Variants in PRKD1 observed in about 807,000 individuals in gnomAD.
The protein encoded by PRKD1 is protein kinase D1.
Under a neutral mutation model 95.9 loss-of-function variants are expected in PRKD1, and 63 were observed. That is an observed-to-expected ratio of 0.66 (90% CI 0.54 to 0.81). The LOEUF (loss-of-function observed/expected upper bound fraction) is 0.81, where lower values mean the gene tolerates loss of function less well. Ranked by LOEUF, PRKD1 falls within the 30% of genes least tolerant of loss-of-function variation. The pLI is 0.00. For missense variants in PRKD1, 1,048 were observed against 1,165.3 expected, an observed-to-expected ratio of 0.90 and a Z score of 1.47; for synonymous variants, 425 against 423.1, an observed-to-expected ratio of 1.00 and a Z score of -0.05.
At chr14:29,841,564 C>T (rs926217945) in intron 1 of PRKD1, among the ~76,000 whole-genome samples, 11 of 152,052 alleles carry the variant, frequency 7.2e-5, no homozygotes, top group African/African-American at 2.2e-4. Context: ...TCTCTTTGCC[C>T]GCTGCCATCC....
chr14:29,883,951 A>G (rs1461632394), intron 1 of PRKD1, among the ~76,000 whole-genome samples: 1 of 152,160 alleles, frequency 6.6e-6, no homozygotes, highest in East Asian at 1.9e-4. Flanking sequence ...ACCTCCCCAT[A>G]TGGTTGACCT....
rs45477997 is a variant in PRKD1 at position 29,908,058 on chromosome 14, T to C, written c.264+19191A>G. ...CATATGTAGTCTACTCAGTAATCCA[T>C]TTAAGTGTTGGTTATTGAATCTAAC... On this transcript the variant is annotated intron_variant, in intron 1 of 17. Transcript: ENST00000331968. Among the ~76,000 whole-genome samples the C allele has an allele frequency of 1.4e-3, 213 of 152,156 alleles. 2 individuals are homozygous for C. The highest frequency in any genetic ancestry group is 4.3e-3 in the East Asian group (22 of 5,170).
At chr14:29,639,351 G>A (rs192955116) in intron 4 of PRKD1, among the ~76,000 whole-genome samples, 2 of 152,106 alleles carry the variant, frequency 1.3e-5, no homozygotes, top group African/African-American at 4.8e-5. Context: ...GTACTTCATC[G>A]AAAAAATGCT....
intron 1 of PRKD1, among the ~76,000 whole-genome samples, chr14:29,905,643 G>C (rs189116788): frequency 3.3e-5 from 5 of 152,260 alleles, no homozygotes; most frequent in Admixed American, 3.3e-4. Flanking sequence ...TAGAAACATG[G>C]CTGAAAATCA....
intron 3 of PRKD1, 110 bp from the exon 4 acceptor site, chr14:29,663,969 A>C (rs1005026769): frequency 8.9e-7 from 1 of 1,126,872 alleles, no homozygotes; most frequent in East Asian, 2.6e-5. Context: ...ATTTTCCTTG[A>C]GAGTATTTGG....
intron 2 of PRKD1, among the ~76,000 whole-genome samples, chr14:29,685,183 G>C (rs1883786016): frequency 6.6e-6 from 1 of 152,166 alleles, no homozygotes; most frequent in South Asian, 2.1e-4. Flanking sequence ...AAGCTTGACT[G>C]CCCTTGGGGA....
rs186649738 is a variant in PRKD1, at chr14:29,855,165, C to T, written c.264+72084G>A. Among the ~76,000 whole-genome samples the T allele has an allele frequency of 1.5e-4, 23 of 152,242 alleles. 1 individual carries two copies. Among genetic ancestry groups the T allele is most frequent in the Middle Eastern group, 3.4e-3 (1 of 294 alleles). On this transcript the variant is annotated intron_variant, in intron 1 of 17. Coordinates refer to ENST00000331968, the MANE Select transcript of PRKD1 (RefSeq NM_002742.3). ...AGAAGAAGGCCACCATCCTCCAGAC[C>T]CCAGAATGGTAAATCCATTGACAGC...
intron 4 of PRKD1, among the ~76,000 whole-genome samples, chr14:29,652,257 G>A (rs1326365714): frequency 6.6e-6 from 1 of 152,150 alleles, no homozygotes; most frequent in African/African-American, 2.4e-5. Flanking sequence ...AGTTGCACGG[G>A]ATTTTCAGAG....
chr14:29,713,320 C>T (rs1205876215), intron 2 of PRKD1, among the ~76,000 whole-genome samples: 2 of 152,094 alleles, frequency 1.3e-5, no homozygotes, highest in Non-Finnish European at 2.9e-5. Flanking sequence ...TTTAAACCTG[C>T]ATTCAGAATG....
At chr14:29,641,898 CTTTTTTTTTTTT>C (rs751584936) in intron 4 of PRKD1, among the ~76,000 whole-genome samples, 1 of 116,688 alleles carries the variant, frequency 8.6e-6, no homozygotes, top group East Asian at 2.4e-4. Context: ...AAAAATATTT[CTTTTTTTTTTTT>C]TTTTTTTTTT....
intron 9 of PRKD1, among the ~76,000 whole-genome samples, chr14:29,631,948 C>A (rs1331432054): frequency 6.6e-6 from 1 of 152,032 alleles, no homozygotes; most frequent in East Asian, 1.9e-4. Context: ...ATTACAGGTG[C>A]ATCCCATCAC....
intron 1 of PRKD1, among the ~76,000 whole-genome samples, chr14:29,918,400 C>A (rs1894968573): frequency 6.9e-6 from 1 of 145,276 alleles, no homozygotes; most frequent in Non-Finnish European, 1.5e-5. Flanking sequence ...CTTATTATGA[C>A]CCCAATGACA....
intron 1 of PRKD1, among the ~76,000 whole-genome samples, chr14:29,893,407 T>A (rs577812606): frequency 6.6e-6 from 1 of 151,960 alleles, no homozygotes; most frequent in South Asian, 2.1e-4. Flanking sequence ...GAGGTTTTTT[T>A]TTGGTTTTCA....
intron 1 of PRKD1, among the ~76,000 whole-genome samples, chr14:29,886,459 T>C (rs1046233267): frequency 6.6e-6 from 1 of 152,140 alleles, no homozygotes; most frequent in African/African-American, 2.4e-5. Context: ...TCTCATCCTC[T>C]CTCCCCCAGC....
At chr14:29,669,651 T>G (rs1452876104) in intron 2 of PRKD1, among the ~76,000 whole-genome samples, 2 of 152,214 alleles carry the variant, frequency 1.3e-5, no homozygotes, top group Admixed American at 6.5e-5. Flanking sequence ...GTGGATCACC[T>G]GAGGTCAGAA....
chr14:29,892,831 A>G (rs1230158688), intron 1 of PRKD1, among the ~76,000 whole-genome samples: 1 of 152,226 alleles, frequency 6.6e-6, no homozygotes. Flanking sequence ...AGATGGCTTC[A>G]TGCACTGCTT....
At chr14:29,743,416 T>A (rs1256087597) in intron 1 of PRKD1, among the ~76,000 whole-genome samples, 1 of 152,058 alleles carries the variant, frequency 6.6e-6, no homozygotes, top group Non-Finnish European at 1.5e-5. Context: ...ATTTTATATA[T>A]ATATGGAGAA....
chr14:29,663,768 G>T lies in PRKD1; in HGVS notation c.627C>A (p.Leu209=). ...VRRRRLSNVS[L]TGVSTIRTSS... ...ATGTGCGGATGGTGCTGACCCCAGT[G>T]AGGGAAACGTTTGAGAGCCTTCTCC... is the stretch of plus-strand genomic sequence containing the variant. The change falls in exon 4 of 18, where the codon CTC becomes CTA. Residue 209 remains leucine (L), a synonymous_variant. Transcript: ENST00000331968. The T allele has an allele frequency of 6.2e-7, 1 of 1,614,070 alleles. No homozygotes were observed.
intron 13 of PRKD1, among the ~76,000 whole-genome samples, chr14:29,606,003 G>T (rs763972958): frequency 6.6e-6 from 1 of 152,022 alleles, no homozygotes; most frequent in African/African-American, 2.4e-5. Flanking sequence ...CATAAGTAAT[G>T]ACTTTTTTTT....
Sources: gnomAD v4.1 joint callset for allele counts (sites outside exome capture counted in the v4.1 genomes callset) on GRCh38, gnomAD v4.1.1 for gene constraint, MANE v1.5 for transcripts, NCBI Gene and HGNC (gene_info 2026-07-23, HGNC 2026-07-21) for gene names.